Variants in LDHAL6A observed in about 807,000 individuals in gnomAD.
The protein encoded by LDHAL6A is L-lactate dehydrogenase A-like 6A.
Under a neutral mutation model 28.2 loss-of-function variants are expected in LDHAL6A, and 19 were observed. That is an observed-to-expected ratio of 0.67 (90% CI 0.47 to 0.99). The LOEUF (loss-of-function observed/expected upper bound fraction) is 0.99. LDHAL6A is among the 50% of genes least tolerant of loss of function. The pLI is 0.00. For synonymous variants in LDHAL6A, 144 were observed against 134.4 expected (o/e 1.07, Z -0.49); for missense variants, 372 against 398.6 (o/e 0.93, Z 0.57).
intron 3 of LDHAL6A, chr11:18,469,037 C>G (rs1324641174): frequency 2.4e-6 from 1 of 412,194 alleles, no homozygotes; most frequent in Non-Finnish European, 4.3e-6. Context: ...TACATTATCA[C>G]ATTGTACAAT....
Position 18,475,644 on chromosome 11 carries a change from G to C in LDHAL6A, c.592+5G>C. The C allele has an allele frequency of 6.2e-7, 1 of 1,608,770 alleles. No individual in the cohort carries two copies. The highest frequency in any genetic ancestry group is 1.3e-5 in the African/African-American group (1 of 74,806). Reference sequence around the variant, plus strand: ...GAGAGCATGGCGACTCAAGTGGTAAGCCTGAGGCACGATTGAGCCTCTGAA... The same window carrying C: ...GAGAGCATGGCGACTCAAGTGGTAACCCTGAGGCACGATTGAGCCTCTGAA... On this transcript the variant is annotated splice_donor_5th_base_variant and intron_variant, in intron 4 of 6. Coordinates refer to ENST00000280706, the MANE Select transcript of LDHAL6A (RefSeq NM_144972.5).
intron 1 of LDHAL6A, 88 bp downstream of exon 1, chr11:18,456,894 G>A: frequency 7.2e-6 from 10 of 1,395,436 alleles, no homozygotes; most frequent in Non-Finnish European, 9.6e-6. Flanking sequence ...CCAGTTCAAG[G>A]TGGTGAGTGG....
chr11:18,472,931 T>C (rs550147691), intron 3 of LDHAL6A, among the ~76,000 whole-genome samples: 2 of 152,282 alleles, frequency 1.3e-5, no homozygotes, highest in South Asian at 2.1e-4. Flanking sequence ...CCAAATAATT[T>C]TGACTTCATT....
chr11:18,471,835 T>G (rs1849264618), intron 3 of LDHAL6A, among the ~76,000 whole-genome samples: 1 of 150,764 alleles, frequency 6.6e-6, no homozygotes, highest in Non-Finnish European at 1.5e-5. Flanking sequence ...AGGTTTGTAA[T>G]TGTTGATTTA....
At chr11:18,459,670 C>T (rs568777564) in intron 1 of LDHAL6A, among the ~76,000 whole-genome samples, 29 of 152,290 alleles carry the variant, frequency 1.9e-4, no homozygotes, top group African/African-American at 7.0e-4. Context: ...GACATATCAC[C>T]TTTAACTAAA....
At chr11:18,471,541 G>A (rs562075702) in intron 3 of LDHAL6A, among the ~76,000 whole-genome samples, 3 of 152,080 alleles carry the variant, frequency 2.0e-5, no homozygotes, top group South Asian at 2.1e-4. Context: ...AAAACACACT[G>A]TTGACATTAT....
intron 2 of LDHAL6A, among the ~76,000 whole-genome samples, chr11:18,464,319 G>A (rs965261072): frequency 6.6e-6 from 1 of 152,160 alleles, no homozygotes; most frequent in Non-Finnish European, 1.5e-5. Context: ...ACAATGAACT[G>A]ACTGCCTATT....
chr11:18,475,697 C>T (rs886631470), intron 4 of LDHAL6A, 58 bp downstream of exon 4: 1 of 1,432,176 alleles, frequency 7.0e-7, no homozygotes, highest in Non-Finnish European at 9.4e-7. Flanking sequence ...ATCATACAGA[C>T]ATTTAATGTA....
intron 3 of LDHAL6A, among the ~76,000 whole-genome samples, chr11:18,467,944 CAT>C (rs36151265): frequency 0.27 from 15,309 of 55,922 alleles, 3,120 homozygotes; most frequent in East Asian, 0.43. Flanking sequence ...TATACACACA[CAT>C]ATATATATAC....
intron 6 of LDHAL6A, among the ~76,000 whole-genome samples, chr11:18,478,048 T>TG (rs1356101430): frequency 2.0e-5 from 3 of 152,234 alleles, no homozygotes; most frequent in African/African-American, 7.2e-5. Flanking sequence ...GGGCAGACCT[T>TG]GGTACCTTTG....
At position 18,465,797 on chromosome 11, in the gene LDHAL6A, T is replaced by C. The variant is rs749266345; in HGVS notation, c.405T>C (p.Ile135=). The change falls in exon 3 of 7, where the codon ATT becomes ATC. Residue 135 remains isoleucine (I), a synonymous_variant. Coordinates refer to ENST00000280706, the MANE Select transcript of LDHAL6A (RefSeq NM_144972.5). ...TQYSPHCKLL[I]VTNPVDILTY... is the part of the protein sequence containing the mutation. ...ACAGTCCTCACTGCAAACTGCTTAT[T>C]GTTACTAATCCAGGTCAGCTTTGTT... 2.5e-6 allele frequency: 4 copies of C among 1,612,080 alleles called. No homozygotes were observed. The Admixed American group carries it at 6.7e-5, about 27-fold the overall frequency.
intron 3 of LDHAL6A, among the ~76,000 whole-genome samples, chr11:18,466,453 G>C (rs904060681): frequency 6.6e-6 from 1 of 151,964 alleles, no homozygotes; most frequent in South Asian, 2.1e-4. Context: ...AGGAGTTTGA[G>C]AATGGCCTGG....
Position 18,456,701 on chromosome 11 carries a change from A to G in LDHAL6A, c.21A>G (p.Glu7=). The change falls in exon 1 of 7, where the codon GAA becomes GAG. Residue 7 remains glutamate, a synonymous_variant. Coordinates refer to ENST00000280706, the MANE Select transcript of LDHAL6A (RefSeq NM_144972.5). ...CCAAGATGGCAACTATCAAGAGTGA[A>G]CTTATTAAGAATTTCGCGGAAGAGG... MATIKS[E]LIKNFAEEEA... The G allele has an allele frequency of 6.2e-7, 1 of 1,613,944 alleles. No individual in the cohort carries two copies. Among genetic ancestry groups the G allele is most frequent in the Non-Finnish European group, 8.5e-7 (1 of 1,179,876 alleles).
At chr11:18,473,907 T>G (rs1849305109) in intron 3 of LDHAL6A, among the ~76,000 whole-genome samples, 1 of 152,220 alleles carries the variant, frequency 6.6e-6, no homozygotes, top group Non-Finnish European at 1.5e-5. Context: ...TTTCCTTCTG[T>G]TCCTAGATTT....
At chr11:18,465,861 T>C (rs753987457) in intron 3 of LDHAL6A, 51 bp downstream of exon 3, 1 of 1,425,884 alleles carries the variant, frequency 7.0e-7, no homozygotes, top group Admixed American at 1.7e-5. Flanking sequence ...GGGTACACTG[T>C]GTAGGTTCAT....
chr11:18,476,247 T>C (rs1565075912), intron 4 of LDHAL6A, 137 bp from the exon 5 acceptor site: 3 of 901,326 alleles, frequency 3.3e-6, no homozygotes, highest in Non-Finnish European at 4.8e-6. Context: ...ATTTAGAATA[T>C]CTGGAGTGGG....
intron 1 of LDHAL6A, among the ~76,000 whole-genome samples, chr11:18,457,126 G>C (rs1310144225): frequency 6.6e-6 from 1 of 152,180 alleles, no homozygotes; most frequent in Non-Finnish European, 1.5e-5. Flanking sequence ...ATAGGTGGCA[G>C]AAAAGAGTAT....
intron 6 of LDHAL6A, 26 bp downstream of exon 6, chr11:18,477,769 A>G (rs759528658): frequency 2.4e-5 from 38 of 1,577,220 alleles, no homozygotes; most frequent in Non-Finnish European, 3.2e-5. Flanking sequence ...TCGAAAAATC[A>G]TTAACTCAAC....
intron 3 of LDHAL6A, among the ~76,000 whole-genome samples, chr11:18,468,049 GTATATATATATACATATATATA>G (rs1849162242): frequency 8.9e-4 from 10 of 11,228 alleles, no homozygotes; most frequent in African/African-American, 1.7e-3. Context: ...ATATATATAC[GTATATATATATACATATATATA>G]TATATATTTT....
Sources: allele counts gnomAD v4.1 joint callset (sites outside exome capture counted in the v4.1 genomes callset), GRCh38; gene constraint gnomAD v4.1.1; transcripts MANE v1.5; gene names NCBI Gene and HGNC (gene_info 2026-07-23, HGNC 2026-07-21).